The following MGAT4C variants were observed in gnomAD, a reference collection of about 807,000 sequenced individuals.
MGAT4C encodes MGAT4 family member C.
In MGAT4C, 19 loss-of-function variants were observed where a neutral mutation model predicts 40.1. The ratio of observed to expected loss-of-function variants is 0.47; its 90% CI spans 0.33 to 0.70. The LOEUF (loss-of-function observed/expected upper bound fraction) is 0.70, where lower values mean the gene tolerates loss of function less well. Ranked by LOEUF, MGAT4C falls within the 30% of genes least tolerant of loss-of-function variation. The pLI is 0.02. For synonymous variants in MGAT4C, 181 were observed against 187.1 expected (o/e 0.97, Z 0.27); for missense variants, 491 against 563.2 (o/e 0.87, Z 1.30).
intron 2 of MGAT4C, among the ~76,000 whole-genome samples, chr12:86,613,727 A>G (rs1962358052): frequency 6.6e-6 from 1 of 152,192 alleles, no homozygotes; most frequent in African/African-American, 2.4e-5. Flanking sequence ...GATTTTCAAC[A>G]TAATAAAAAT....
intron 1 of MGAT4C, among the ~76,000 whole-genome samples, chr12:86,837,276 A>G (rs192991135): frequency 6.6e-6 from 1 of 152,298 alleles, no homozygotes; most frequent in East Asian, 1.9e-4. Flanking sequence ...AGAAGTACTT[A>G]AAAGTCTCTT....
chr12:86,673,664 C>G (rs958311667), intron 2 of MGAT4C, among the ~76,000 whole-genome samples: 4 of 152,230 alleles, frequency 2.6e-5, no homozygotes, highest in African/African-American at 9.6e-5. Context: ...GATCAACTTT[C>G]AATATATTCA....
At chr12:86,660,843 C>G (rs1963964157) in intron 2 of MGAT4C, among the ~76,000 whole-genome samples, 1 of 152,176 alleles carries the variant, frequency 6.6e-6, no homozygotes, top group South Asian at 2.1e-4. Flanking sequence ...CAAACCATAA[C>G]ATGCATGCCT....
intron 1 of MGAT4C, among the ~76,000 whole-genome samples, chr12:86,105,843 C>CG (rs1876058155): frequency 6.6e-6 from 1 of 152,122 alleles, no homozygotes; most frequent in Admixed American, 6.6e-5. Flanking sequence ...GGTTCTGCCC[C>CG]AAACAGTTAA....
chr12:86,058,953 G>T (rs1458701641), intron 1 of MGAT4C, among the ~76,000 whole-genome samples: 1 of 152,036 alleles, frequency 6.6e-6, no homozygotes, highest in African/African-American at 2.4e-5. Context: ...TAGATTTAAA[G>T]AATATAATAT....
At chr12:86,047,976 G>C (rs1440497762) in intron 2 of MGAT4C, among the ~76,000 whole-genome samples, 4 of 151,650 alleles carry the variant, frequency 2.6e-5, no homozygotes, top group Non-Finnish European at 4.4e-5. Flanking sequence ...AATAGTCCAT[G>C]AATGAAATTG....
chr12:86,174,874 G>T (rs1887226224), intron 1 of MGAT4C, among the ~76,000 whole-genome samples: 1 of 152,120 alleles, frequency 6.6e-6, no homozygotes, highest in African/African-American at 2.4e-5. Context: ...CAGTGACTTT[G>T]AAAGAATGTT....
chr12:86,363,367 A>G (rs1024526408), intron 3 of MGAT4C, among the ~76,000 whole-genome samples: 13 of 152,144 alleles, frequency 8.5e-5, no homozygotes, highest in Admixed American at 3.9e-4. Flanking sequence ...AAAATAATTT[A>G]TAAGTCAAAA....
intron 1 of MGAT4C, among the ~76,000 whole-genome samples, chr12:86,086,388 G>A (rs1158918031): frequency 3.3e-5 from 5 of 151,900 alleles, no homozygotes; most frequent in Admixed American, 6.6e-5. Flanking sequence ...GGCCTTTTGC[G>A]GGTGGGGAGC....
At chr12:86,007,716 C>A (rs1888043578) in intron 2 of MGAT4C, among the ~76,000 whole-genome samples, 1 of 151,936 alleles carries the variant, frequency 6.6e-6, no homozygotes, top group Non-Finnish European at 1.5e-5. Flanking sequence ...CGATGAGCAG[C>A]CATTTTTAAT....
intron 2 of MGAT4C, among the ~76,000 whole-genome samples, chr12:86,664,470 A>G (rs71452144): frequency 0.056 from 8,467 of 152,252 alleles, 305 homozygotes; most frequent in Non-Finnish European, 0.078. Context: ...AACAAAGTGA[A>G]ATTGCAAAGA....
At chr12:86,013,396 C>G (rs563080744) in intron 2 of MGAT4C, among the ~76,000 whole-genome samples, 1 of 152,192 alleles carries the variant, frequency 6.6e-6, no homozygotes, top group African/African-American at 2.4e-5. Context: ...CGCCTGCCAC[C>G]ACGCCCGGCT....
intron 1 of MGAT4C, among the ~76,000 whole-genome samples, chr12:86,767,728 A>G (rs1213822961): frequency 6.6e-6 from 1 of 152,180 alleles, no homozygotes; most frequent in Non-Finnish European, 1.5e-5. Context: ...AAATCAATAA[A>G]TGTAATCCAG....
At chr12:85,983,049 A>G (rs1703873932) in intron 4 of MGAT4C, among the ~76,000 whole-genome samples, 1 of 152,186 alleles carries the variant, frequency 6.6e-6, no homozygotes, top group South Asian at 2.1e-4. Context: ...GGCTTCCAGA[A>G]CCACGAGAGA....
rs113922257 is a variant in MGAT4C at position 86,528,332 on chromosome 12, C to G, written c.-228-93067G>C. On this transcript the variant is annotated intron_variant, in intron 2 of 7. Coordinates refer to the MGAT4C transcript ENST00000548651. Reference sequence around the variant, plus strand: ...AACAGAGATGGACTCAATGTACTCACAGTTTCACTCTATTTCTCAGAGACA... The same window carrying G: ...AACAGAGATGGACTCAATGTACTCAGAGTTTCACTCTATTTCTCAGAGACA... Among the ~76,000 whole-genome samples the G allele has an allele frequency of 3.4e-3, 510 of 152,160 alleles. 1 individual carries two copies. Among genetic ancestry groups the G allele is most frequent in the African/African-American group, 0.012 (493 of 41,560 alleles).
At chr12:86,498,329 T>C (rs1958278849) in intron 2 of MGAT4C, among the ~76,000 whole-genome samples, 1 of 151,778 alleles carries the variant, frequency 6.6e-6, no homozygotes, top group South Asian at 2.1e-4. Context: ...TGTATATTTT[T>C]TTCCAATAAA....
chr12:86,642,354 AT>A (rs1237971180), intron 2 of MGAT4C, among the ~76,000 whole-genome samples: 1 of 151,836 alleles, frequency 6.6e-6, no homozygotes, highest in Non-Finnish European at 1.5e-5. Flanking sequence ...GCAACACTTC[AT>A]GGAAAGAAAC....
rs139996854 is a variant in MGAT4C at position 86,161,121 on chromosome 12, C to G, written c.-57+95118G>C. ...CAGATACAATGCTCTTTCTTTCAAA[C>G]TACCAACATAATTATTCACGGAATT... On this transcript the variant is annotated intron_variant, in intron 1 of 4. Transcript: ENST00000611864. Among the ~76,000 whole-genome samples, 85 of 152,196 alleles carry G rather than the reference C, an allele frequency of 5.6e-4. 1 individual carries two copies. Among genetic ancestry groups the G allele is most frequent in the Non-Finnish European group, 1.0e-3 (69 of 67,950 alleles).
At chr12:86,112,947 C>A (rs1438251536) in intron 1 of MGAT4C, among the ~76,000 whole-genome samples, 2 of 151,650 alleles carry the variant, frequency 1.3e-5, no homozygotes, top group African/African-American at 4.8e-5. Context: ...GTAGTGATTA[C>A]TAAGTGTTTT....
Sources: gnomAD v4.1 joint callset for allele counts (sites outside exome capture counted in the v4.1 genomes callset) on GRCh38, gnomAD v4.1.1 for gene constraint, MANE v1.5 for transcripts, NCBI Gene and HGNC (gene_info 2026-07-23, HGNC 2026-07-21) for gene names.